PCBP3: variants seen among roughly 807,000 people sequenced by gnomAD.
PCBP3 encodes the protein poly(rC)-binding protein 3.
A neutral mutation model predicts 52.7 loss-of-function variants in PCBP3; 25 were observed. The observed-to-expected ratio is 0.47, with a 90% CI of 0.35 to 0.66. PCBP3 has a LOEUF of 0.66. Ranked by LOEUF, PCBP3 falls within the 30% of genes least tolerant of loss-of-function variation. The pLI is 0.01. For synonymous variants in PCBP3, 162 were observed against 183.0 expected (o/e 0.89, Z 0.93); for missense variants, 391 against 490.3 (o/e 0.80, Z 1.91).
chr21:45,885,179 G>T (rs1372002133), intron 5 of PCBP3, among the ~76,000 whole-genome samples: 1 of 152,092 alleles, frequency 6.6e-6, no homozygotes, highest in African/African-American at 2.4e-5. Context: ...ATTCCAGTTG[G>T]CACTTCTGTC....
At chr21:45,676,379 A>T (rs934671081) in intron 2 of PCBP3, among the ~76,000 whole-genome samples, 6 of 151,802 alleles carry the variant, frequency 4.0e-5, no homozygotes, top group African/African-American at 1.5e-4. Flanking sequence ...TTTTTTTTTT[A>T]AACAAATTTA....
chr21:45,654,906 T>C (rs2079917551), intron 1 of PCBP3, among the ~76,000 whole-genome samples: 1 of 152,190 alleles, frequency 6.6e-6, no homozygotes, highest in Non-Finnish European at 1.5e-5. Context: ...CAACTGTGAA[T>C]TTAGTTTTCA....
chr21:45,646,107 C>CTGTGTG (rs765931494), intron 1 of PCBP3, among the ~76,000 whole-genome samples: 1,573 of 83,786 alleles, frequency 0.019, 27 homozygotes, highest in Non-Finnish European at 0.024. Flanking sequence ...CTCTCTCTCT[C>CTGTGTG]TGTGTGTGTG....
At chr21:45,900,887 C>A in intron 8 of PCBP3, 110 bp from the exon 9 acceptor site, 1 of 780,218 alleles carries the variant, frequency 1.3e-6, no homozygotes, top group Non-Finnish European at 2.3e-6. Context: ...TGGTTTCCGT[C>A]AGCGGACAGA....
chr21:45,685,625 TA>T (rs1334952604), intron 2 of PCBP3, among the ~76,000 whole-genome samples: 19 of 152,162 alleles, frequency 1.2e-4, no homozygotes, highest in Non-Finnish European at 2.9e-5. Context: ...ACTTTCTTAG[TA>T]AAAGTACTTT....
At chr21:45,914,153 G>T in intron 12 of PCBP3, 128 bp downstream of exon 12, 1 of 1,510,076 alleles carries the variant, frequency 6.6e-7, no homozygotes. Context: ...CGTGCTGGAG[G>T]CAGAGCTCTT....
Position 45,837,383 on chromosome 21 carries a change from C to CAGGCAG in PCBP3, c.-125-12577_-125-12572dup, listed in dbSNP as rs2093613384. Among the ~76,000 whole-genome samples the CAGGCAG allele has an allele frequency of 6.6e-6, 1 of 152,256 alleles. No individual in the cohort carries two copies. Among genetic ancestry groups the CAGGCAG allele is most frequent in the Non-Finnish European group, 1.5e-5 (1 of 68,048 alleles). On this transcript the variant is annotated intron_variant, in intron 4 of 17. Coordinates refer to ENST00000681687, the MANE Select transcript of PCBP3 (RefSeq NM_001384156.1). The surrounding 1 kb of genome is among the most constrained non-coding windows in gnomAD (Gnocchi z 4.1). The stretch of plus-strand genomic sequence containing the variant: ...TTATGTGACATCTGTGTGCAAGCCA[C>CAGGCAG]AGGCAGCAGCACAGCGCTGCAGAGC...
chr21:45,849,026 T>C (rs1181112244), intron 4 of PCBP3, among the ~76,000 whole-genome samples: 1 of 152,190 alleles, frequency 6.6e-6, no homozygotes, highest in Admixed American at 6.5e-5. Context: ...CATCCTTTTT[T>C]GTTGGTCAGC....
At chr21:45,863,561 T>A (rs1288384057) in intron 5 of PCBP3, among the ~76,000 whole-genome samples, 1 of 152,136 alleles carries the variant, frequency 6.6e-6, no homozygotes, top group African/African-American at 2.4e-5. Context: ...AAAAAGTGGG[T>A]CACATGTGCC....
At chr21:45,902,013 G>T (rs934626150) in intron 9 of PCBP3, among the ~76,000 whole-genome samples, 2 of 152,208 alleles carry the variant, frequency 1.3e-5, no homozygotes, top group Non-Finnish European at 2.9e-5. Flanking sequence ...GCCATCTTCT[G>T]TGCTTGGCAG....
intron 1 of PCBP3, among the ~76,000 whole-genome samples, chr21:45,647,773 G>A (rs567197455): frequency 6.6e-6 from 1 of 152,242 alleles, no homozygotes; most frequent in South Asian, 2.1e-4. Flanking sequence ...TGCATGGTAG[G>A]TAGAATAATG....
chr21:45,901,294 CAG>C, intron 9 of PCBP3, 181 bp downstream of exon 9: 2 of 584,326 alleles, frequency 3.4e-6, no homozygotes, highest in Non-Finnish European at 6.2e-6. Flanking sequence ...TTCACCCAGT[CAG>C]GGGCCAGTGT....
At chr21:45,931,009 A>T (rs1360832544) in intron 15 of PCBP3, among the ~76,000 whole-genome samples, 164 bp downstream of exon 15, 2 of 152,186 alleles carry the variant, frequency 1.3e-5, no homozygotes, top group African/African-American at 4.8e-5. Context: ...CCATGCTGCC[A>T]CTGTGGCTGG....
chr21:45,684,776 C>T (rs1475732187), intron 2 of PCBP3, among the ~76,000 whole-genome samples: 1 of 152,196 alleles, frequency 6.6e-6, no homozygotes, highest in African/African-American at 2.4e-5. Context: ...TGCCCAGTCT[C>T]AGATATTCCT....
chr21:45,849,393 TG>T (rs1344413259), intron 4 of PCBP3, among the ~76,000 whole-genome samples: 1 of 151,922 alleles, frequency 6.6e-6, no homozygotes, highest in East Asian at 1.9e-4. Flanking sequence ...TTGGTAGAGA[TG>T]GGGGTTTCAC....
At chr21:45,659,078 G>C (rs2080209993) in intron 1 of PCBP3, among the ~76,000 whole-genome samples, 1 of 138,190 alleles carries the variant, frequency 7.2e-6, no homozygotes, top group African/African-American at 2.7e-5. Context: ...CAGTTTCATT[G>C]GTCTTTTTTT....
rs200569266 is a variant in PCBP3, at chr21:45,900,970, G to T, written c.223-27G>T. ...CTGGCCCAAGGGTTTTAATCAGGTC[G>T]CTGGGGTTTCTCTGCTCTCACCTTA... is the stretch of plus-strand genomic sequence containing the variant. On this transcript the variant is annotated intron_variant, in intron 8 of 17. Transcript: ENST00000681687. 12 of 1,549,360 alleles carry T rather than the reference G, an allele frequency of 7.7e-6. No homozygotes were observed. The African/African-American group carries it at 8.1e-5, about 11-fold the overall frequency.
chr21:45,845,487 G>A (rs2093788242), intron 4 of PCBP3, among the ~76,000 whole-genome samples: 1 of 150,722 alleles, frequency 6.6e-6, no homozygotes, highest in South Asian at 2.1e-4. Context: ...GTGTGTGTGA[G>A]CTGCTTAAGC....
intron 1 of PCBP3, among the ~76,000 whole-genome samples, chr21:45,644,959 A>G (rs761827481): frequency 1.7e-4 from 26 of 152,166 alleles, no homozygotes; most frequent in Admixed American, 4.6e-4. Flanking sequence ...GTGCTTCCCT[A>G]TTTAAGAGAA....
Sources: gnomAD v4.1 joint callset for allele counts (sites outside exome capture counted in the v4.1 genomes callset) on GRCh38, gnomAD v4.1.1 for gene constraint, Gnocchi (gnomAD v3.1) non-coding constraint, MANE v1.5 for transcripts, NCBI Gene and HGNC (gene_info 2026-07-23, HGNC 2026-07-21) for gene names.